Variants in ABCC1 observed in about 807,000 individuals in gnomAD.
ABCC1 encodes multidrug resistance-associated protein 1.
In ABCC1, 83 loss-of-function variants were observed where a neutral mutation model predicts 172.9. The ratio of observed to expected loss-of-function variants is 0.48; its 90% CI spans 0.40 to 0.58. The LOEUF is 0.58. Ranked by LOEUF, ABCC1 falls within the 20% of genes least tolerant of loss-of-function variation. The pLI, the probability that ABCC1 is intolerant of heterozygous loss-of-function variation, is 0.00. For synonymous variants in ABCC1, 937 were observed against 825.2 expected (o/e 1.14, Z -2.32); for missense variants, 1,817 against 2,002.7 (o/e 0.91, Z 1.77).
intron 2 of ABCC1, 131 bp downstream of exon 2, chr16:16,008,123 T>G (rs1194187919): frequency 2.1e-6 from 2 of 949,194 alleles, no homozygotes; most frequent in African/African-American, 3.3e-5. Flanking sequence ...GGCAGAAGAA[T>G]AATGTGGGAG....
intron 7 of ABCC1, among the ~76,000 whole-genome samples, 192 bp from the exon 8 acceptor site, chr16:16,044,258 T>TGAGCCGGTGGCTCTG (rs1290162411): frequency 6.6e-6 from 1 of 152,168 alleles, no homozygotes; most frequent in Admixed American, 6.5e-5. Flanking sequence ...AGCCAGACCT[T>TGAGCCGGTGGCTCTG]GAGCCGGTGG....
At chr16:16,007,214 T>TTTGTGTGTG (rs1555480444) in intron 1 of ABCC1, among the ~76,000 whole-genome samples, 1 of 145,774 alleles carries the variant, frequency 6.9e-6, no homozygotes, top group African/African-American at 2.6e-5. Context: ...GTATGCACTG[T>TTTGTGTGTG]TGTGTGTGTG....
intron 22 of ABCC1, among the ~76,000 whole-genome samples, chr16:16,114,428 C>T (rs1354324314): frequency 6.6e-6 from 1 of 151,932 alleles, no homozygotes; most frequent in Non-Finnish European, 1.5e-5. Flanking sequence ...GCAACCTCCA[C>T]CTCCCGGATT....
At chr16:16,098,877 C>CAT (rs1380252980) in intron 19 of ABCC1, 2 of 1,352,092 alleles carry the variant, frequency 1.5e-6, no homozygotes, top group Non-Finnish European at 2.0e-6. Flanking sequence ...TCCCAGGCAG[C>CAT]ACAGTGATGG....
intron 29 of ABCC1, 76 bp from the exon 30 acceptor site, chr16:16,138,288 C>T: frequency 7.0e-7 from 1 of 1,437,930 alleles, no homozygotes; most frequent in Non-Finnish European, 9.4e-7. Context: ...TTTCGCTTCT[C>T]CCAGCCTGGG....
chr16:15,967,294 G>A (rs1359380670), intron 1 of ABCC1, among the ~76,000 whole-genome samples: 4 of 152,010 alleles, frequency 2.6e-5, no homozygotes, highest in Non-Finnish European at 2.9e-5. Flanking sequence ...CAGTATAGAC[G>A]ATTCAGGTTA....
chr16:16,088,714 CT>C (rs66796021), intron 18 of ABCC1, among the ~76,000 whole-genome samples: 1 of 146,860 alleles, frequency 6.8e-6, no homozygotes, highest in Non-Finnish European at 1.5e-5. Context: ...TATTTTTTTT[CT>C]TTTTTTTTCT....
chr16:16,032,094 GATTCTCTT>G (rs914574384), intron 5 of ABCC1, among the ~76,000 whole-genome samples: 55 of 152,192 alleles, frequency 3.6e-4, no homozygotes, highest in African/African-American at 1.2e-3. Context: ...GGGTTCAAGC[GATTCTCTT>G]GCCTCAGCCT....
intron 23 of ABCC1, among the ~76,000 whole-genome samples, chr16:16,121,678 C>G (rs577696980): frequency 6.6e-6 from 1 of 152,292 alleles, no homozygotes; most frequent in East Asian, 1.9e-4. Flanking sequence ...TAGGAATGAG[C>G]ACCTCAGGTT....
chr16:16,110,912 T>G (rs919810041), intron 21 of ABCC1, among the ~76,000 whole-genome samples: 2 of 152,030 alleles, frequency 1.3e-5, no homozygotes, highest in Admixed American at 6.6e-5. Context: ...GTTTGTCTCT[T>G]TTTTTTGAGA....
chr16:15,997,701 C>A (rs913456027), intron 1 of ABCC1, among the ~76,000 whole-genome samples: 6 of 151,988 alleles, frequency 3.9e-5, no homozygotes, highest in Non-Finnish European at 8.8e-5. Flanking sequence ...TTCCCAGAAG[C>A]CTCCAGTAGT....
intron 1 of ABCC1, among the ~76,000 whole-genome samples, chr16:15,985,414 AT>A (rs1441299029): frequency 6.6e-6 from 1 of 151,606 alleles, no homozygotes; most frequent in Non-Finnish European, 1.5e-5. Context: ...CACCAGCTCT[AT>A]TTTTGTTGCC....
intron 5 of ABCC1, among the ~76,000 whole-genome samples, chr16:16,025,249 C>G (rs1482446057): frequency 6.6e-6 from 1 of 152,132 alleles, no homozygotes; most frequent in South Asian, 2.1e-4. Flanking sequence ...TTAGTCCTCA[C>G]AGTAGGGCAG....
chr16:16,090,287 A>C (rs963703948), intron 18 of ABCC1, 118 bp from the exon 19 acceptor site: 3 of 1,090,934 alleles, frequency 2.7e-6, no homozygotes, highest in African/African-American at 1.6e-5. Context: ...CCACCTTCAG[A>C]CCTGAGTTTT....
chr16:15,982,803 CA>C (rs148834444), intron 1 of ABCC1, among the ~76,000 whole-genome samples: 26 of 43,222 alleles, frequency 6.0e-4, no homozygotes, highest in Admixed American at 2.1e-3. Flanking sequence ...GAGACGCTGT[CA>C]AAAAAAAAAA....
intron 23 of ABCC1, among the ~76,000 whole-genome samples, chr16:16,115,923 C>T (rs1393878616): frequency 1.3e-5 from 2 of 149,330 alleles, no homozygotes; most frequent in Non-Finnish European, 3.0e-5. Flanking sequence ...TTTAATTTGA[C>T]ATGGAGTCTC....
intron 1 of ABCC1, among the ~76,000 whole-genome samples, chr16:15,997,298 A>AGCCAG (rs965612838): frequency 1.3e-5 from 2 of 152,076 alleles, no homozygotes; most frequent in African/African-American, 4.8e-5. Context: ...TCACCATGTT[A>AGCCAG]GCCAGGATGG....
chr16:16,029,100 C>T (rs574887231), intron 5 of ABCC1, among the ~76,000 whole-genome samples: 106 of 152,310 alleles, frequency 7.0e-4, no homozygotes, highest in Admixed American at 1.3e-3. Context: ...AGCCCCAGAG[C>T]GGAGCCTGAT....
chr16:15,971,798 C>T (rs1239315686), intron 1 of ABCC1, among the ~76,000 whole-genome samples: 1 of 152,108 alleles, frequency 6.6e-6, no homozygotes, highest in Non-Finnish European at 1.5e-5. Context: ...AATGATACGG[C>T]TCCGATGAGT....
Sources: allele counts gnomAD v4.1 joint callset (sites outside exome capture counted in the v4.1 genomes callset), GRCh38; gene constraint gnomAD v4.1.1; transcripts MANE v1.5; gene names NCBI Gene and HGNC (gene_info 2026-07-23, HGNC 2026-07-21).